HRH1: variants seen among roughly 807,000 people sequenced by gnomAD.
The protein encoded by HRH1 is histamine H1 receptor.
HRH1 carries 6 observed loss-of-function variants against 10.3 expected under a neutral mutation model. That is an observed-to-expected ratio of 0.58 (90% CI 0.32 to 1.15). The LOEUF (loss-of-function observed/expected upper bound fraction) is 1.15. HRH1 is among the 50% of genes most tolerant of loss of function. The probability of loss-of-function intolerance (pLI) is 0.05; values close to 1 mark genes in which losing one functional copy is unlikely to be tolerated. For synonymous variants in HRH1, 242 were observed against 236.7 expected, an observed-to-expected ratio of 1.02 and a Z score of -0.21; for missense variants, 514 against 615.3, an observed-to-expected ratio of 0.84 and a Z score of 1.74.
At chr3:11,240,468 C>T (rs1318803507) in intron 1 of HRH1, among the ~76,000 whole-genome samples, 2 of 151,924 alleles carry the variant, frequency 1.3e-5, no homozygotes, top group African/African-American at 2.4e-5. Context: ...CAGGTTGCCC[C>T]GATCCCTACC....
intron 1 of HRH1, among the ~76,000 whole-genome samples, chr3:11,199,556 C>G (rs1937818385): frequency 6.6e-6 from 1 of 152,174 alleles, no homozygotes; most frequent in South Asian, 2.1e-4. Context: ...CTCACAGTCC[C>G]CACTTCCCTG....
intron 1 of HRH1, among the ~76,000 whole-genome samples, chr3:11,157,530 A>T (rs922320229): frequency 1.4e-4 from 22 of 152,214 alleles, no homozygotes; most frequent in African/African-American, 5.3e-4. Flanking sequence ...TATCTCATTT[A>T]TAAGTGACTC....
rs1054891243 is a variant in HRH1, at chr3:11,263,268, A to G, written c.*2767A>G. On this transcript the variant is annotated 3_prime_UTR_variant, in exon 2 of 2. Coordinates refer to ENST00000431010, the MANE Select transcript of HRH1 (RefSeq NM_001098212.2). ...TCATTTGGCTACTTGGCTTGTGGAC[A>G]ATCTCTGACCTCTTTTGAAGATGGG... is the stretch of plus-strand genomic sequence containing the variant. 1 of 167,128 alleles carries G rather than the reference A, an allele frequency of 6.0e-6. No individual in the cohort carries two copies. The highest frequency in any genetic ancestry group is 2.4e-5 in the African/African-American group (1 of 41,464). 10.4% of individuals were successfully genotyped at this position (167,128 alleles called of 1,614,324 possible).
At chr3:11,199,746 G>T (rs1467851855) in intron 1 of HRH1, among the ~76,000 whole-genome samples, 2 of 152,200 alleles carry the variant, frequency 1.3e-5, no homozygotes, top group Non-Finnish European at 2.9e-5. Context: ...AGCATGCTTG[G>T]CTGAAGAGAT....
chr3:11,207,010 G>A (rs1013523709), intron 1 of HRH1, among the ~76,000 whole-genome samples: 3 of 152,126 alleles, frequency 2.0e-5, no homozygotes, highest in African/African-American at 4.8e-5. Context: ...GGGCACACTC[G>A]GTCTGAGAGT....
chr3:11,230,319 A>G (rs6442241), intron 1 of HRH1, among the ~76,000 whole-genome samples: 42,556 of 152,086 alleles, frequency 0.28, 7,563 homozygotes, highest in African/African-American at 0.48. Flanking sequence ...ACACAGAAGA[A>G]TCAAGGAGCA....
At chr3:11,231,029 G>A (rs190710494) in intron 1 of HRH1, among the ~76,000 whole-genome samples, 52 of 152,150 alleles carry the variant, frequency 3.4e-4, no homozygotes, top group African/African-American at 9.9e-4. Flanking sequence ...CCTAAACCCG[G>A]CAACCACTAA....
At chr3:11,218,589 T>G (rs749316571) in intron 1 of HRH1, among the ~76,000 whole-genome samples, 9 of 152,358 alleles carry the variant, frequency 5.9e-5, no homozygotes, top group Non-Finnish European at 1.3e-4. Context: ...TATTTATTTA[T>G]TCTTGAGATG....
At chr3:11,156,031 G>A (rs1422104126) in intron 1 of HRH1, among the ~76,000 whole-genome samples, 1 of 152,170 alleles carries the variant, frequency 6.6e-6, no homozygotes, top group Non-Finnish European at 1.5e-5. Context: ...GAATGAAACT[G>A]AGGTGGCAGA....
intron 1 of HRH1, among the ~76,000 whole-genome samples, chr3:11,231,356 G>A (rs185098333): frequency 2.6e-5 from 4 of 152,196 alleles, no homozygotes; most frequent in African/African-American, 9.6e-5. Context: ...AAATGTCCAC[G>A]AGTGCAATTA....
intron 1 of HRH1, among the ~76,000 whole-genome samples, chr3:11,146,417 A>C (rs1313084982): frequency 2.6e-5 from 4 of 152,192 alleles, no homozygotes; most frequent in Non-Finnish European, 4.4e-5. Flanking sequence ...TTTGAGTTTC[A>C]AAAGTCTAGC....
intron 1 of HRH1, among the ~76,000 whole-genome samples, chr3:11,139,832 G>T (rs556282044): frequency 2.0e-5 from 3 of 152,050 alleles, no homozygotes; most frequent in East Asian, 1.9e-4. Flanking sequence ...ATGGGGAAAG[G>T]GGGGGAATTA....
At chr3:11,153,437 C>T (rs993211985), upstream of HRH1, among the ~76,000 whole-genome samples, 1 of 152,140 alleles carries the variant, frequency 6.6e-6, no homozygotes, top group Non-Finnish European at 1.5e-5. Context: ...GTGTGGTCCA[C>T]AACCAGGGCT....
At position 11,154,532 on chromosome 3, in the gene HRH1, A is replaced by G. The variant is rs1936733447; in HGVS notation, c.-58A>G. Reference sequence around the variant, plus strand: ...GGCCGCCGCGGCCAACGCGCCACCAAACTTTCCCCGGAGCCGGCGCCGGTG... The same window carrying G: ...GGCCGCCGCGGCCAACGCGCCACCAGACTTTCCCCGGAGCCGGCGCCGGTG... On this transcript the variant is annotated 5_prime_UTR_variant, in exon 1 of 2. Transcript: ENST00000431010. This position sits in a 1 kb window ranked among gnomAD's most constrained non-coding sequence, Gnocchi z 4.4. 1 of 150,118 alleles carries G rather than the reference A, an allele frequency of 6.7e-6. No individual in the cohort carries two copies. Among genetic ancestry groups the G allele is most frequent in the Admixed American group, 6.6e-5 (1 of 15,110 alleles). The allele number at this position is 150,118 out of a possible 1,614,324, so 9.3% of individuals were successfully genotyped here. A position where few individuals can be genotyped will look rare whatever the true frequency, so the allele number is the denominator to read the frequency against.
intron 1 of HRH1, among the ~76,000 whole-genome samples, chr3:11,240,345 C>A (rs192924464): frequency 6.6e-6 from 1 of 152,138 alleles, no homozygotes; most frequent in Non-Finnish European, 1.5e-5. Flanking sequence ...TAAAATATTT[C>A]ATGTAAAAAC....
At chr3:11,190,746 G>T (rs567454240) in intron 1 of HRH1, among the ~76,000 whole-genome samples, 1 of 152,274 alleles carries the variant, frequency 6.6e-6, no homozygotes, top group South Asian at 2.1e-4. Flanking sequence ...AGCTACTCGG[G>T]AGGCTGAGGT....
intron 1 of HRH1, among the ~76,000 whole-genome samples, chr3:11,148,913 C>T (rs1039132431): frequency 2.1e-5 from 3 of 141,444 alleles, no homozygotes; most frequent in African/African-American, 8.0e-5. Context: ...GCTGAGGTAG[C>T]TTATTTGAAT....
intron 1 of HRH1, among the ~76,000 whole-genome samples, chr3:11,159,644 A>G (rs1936886572): frequency 1.3e-5 from 2 of 152,186 alleles, no homozygotes; most frequent in South Asian, 4.1e-4. Context: ...AGTGCTGTTC[A>G]CCAGTGATTT....
intron 1 of HRH1, among the ~76,000 whole-genome samples, chr3:11,210,484 A>C (rs893594277): frequency 1.3e-5 from 2 of 152,152 alleles, no homozygotes; most frequent in African/African-American, 4.8e-5. Context: ...CCCAGTACAT[A>C]GTAAGCACTA....
Sources: allele counts gnomAD v4.1 joint callset (sites outside exome capture counted in the v4.1 genomes callset), GRCh38; gene constraint gnomAD v4.1.1; non-coding constraint Gnocchi (gnomAD v3.1); transcripts MANE v1.5; gene names NCBI Gene and HGNC (gene_info 2026-07-23, HGNC 2026-07-21).